Variants in GLRA3 observed in about 807,000 individuals in gnomAD.
GLRA3 encodes glycine receptor subunit alpha-3.
GLRA3 carries 44 observed loss-of-function variants against 60.4 expected under a neutral mutation model. The ratio of observed to expected loss-of-function variants is 0.73; its 90% confidence interval spans 0.57 to 0.94. The LOEUF (loss-of-function observed/expected upper bound fraction) is 0.94, where lower values mean the gene tolerates loss of function less well. Among genes scored for constraint, GLRA3 ranks in the 40% least tolerant of loss-of-function variants. The pLI, the probability that GLRA3 is intolerant of heterozygous loss-of-function variation, is 0.00. For synonymous variants in GLRA3, 223 were observed against 192.9 expected, an observed-to-expected ratio of 1.16 and a Z score of -1.29; for missense variants, 508 against 564.6, an observed-to-expected ratio of 0.90 and a Z score of 1.02.
chr4:174,689,777 A>AAG (rs1734716821), intron 5 of GLRA3, among the ~76,000 whole-genome samples: 1 of 144,786 alleles, frequency 6.9e-6, no homozygotes, highest in Non-Finnish European at 1.5e-5. Flanking sequence ...AAAAAAAAAA[A>AAG]AAAAAAAAGC....
At chr4:174,698,443 C>G (rs1429311703) in intron 5 of GLRA3, among the ~76,000 whole-genome samples, 2 of 152,126 alleles carry the variant, frequency 1.3e-5, no homozygotes, top group African/African-American at 4.8e-5. Flanking sequence ...CCCACTTCAG[C>G]CTCCCAAATT....
In GLRA3 at chr4:174,696,381, T is replaced by C. The variant is rs185182614; in HGVS notation, c.575-13442A>G. 6.6e-5 allele frequency among the ~76,000 whole-genome samples: 10 copies of C among 151,232 alleles called. No individual in the cohort carries two copies. The East Asian group carries it at 1.7e-3, about 26-fold the overall frequency. On this transcript the variant is annotated intron_variant, in intron 5 of 9. Transcript: ENST00000274093. ...AGAAAAACAAATTTTATTATATGTA[T>C]ATTTAAAACTTTACTATGAAAGATA... is the stretch of plus-strand genomic sequence containing the variant.
In GLRA3 at chr4:174,682,191, G is replaced by A. The variant is rs377522135; in HGVS notation, c.712+611C>T. Reference sequence around the variant, plus strand: ...CTAACTGTATGTATACATTCTAACTGTATAGTTAGAATACGTCTTATGGAA... The same window carrying A: ...CTAACTGTATGTATACATTCTAACTATATAGTTAGAATACGTCTTATGGAA... On this transcript the variant is annotated intron_variant, in intron 6 of 9. Coordinates refer to ENST00000274093, the MANE Select transcript of GLRA3 (RefSeq NM_006529.4). Among the ~76,000 whole-genome samples, 10 of 152,200 alleles carry A rather than the reference G, an allele frequency of 6.6e-5. No individual in the cohort carries two copies. In the East Asian group the frequency reaches 1.4e-3, roughly 21 times the overall value.
chr4:174,768,591 G>A (rs1000399512), intron 2 of GLRA3, among the ~76,000 whole-genome samples: 2 of 152,152 alleles, frequency 1.3e-5, no homozygotes, highest in African/African-American at 4.8e-5. Flanking sequence ...AGGAGGAGCA[G>A]AAATTGGTAA....
At chr4:174,781,797 A>G (rs1464160755) in intron 2 of GLRA3, among the ~76,000 whole-genome samples, 1 of 152,186 alleles carries the variant, frequency 6.6e-6, no homozygotes, top group Non-Finnish European at 1.5e-5. Flanking sequence ...GACCAATAAC[A>G]TGCTCTGCAA....
At chr4:174,680,956 T>A (rs2110968864) in intron 6 of GLRA3, among the ~76,000 whole-genome samples, 1 of 152,166 alleles carries the variant, frequency 6.6e-6, no homozygotes, top group East Asian at 1.9e-4. Flanking sequence ...AAGATTCTTG[T>A]GTAATGTAAA....
chr4:174,775,923 T>C (rs1225741870), intron 2 of GLRA3, among the ~76,000 whole-genome samples: 3 of 151,732 alleles, frequency 2.0e-5, no homozygotes, highest in Admixed American at 6.6e-5. Context: ...TGACATAAAA[T>C]ATAGAGCCAG....
At chr4:174,802,116 T>A (rs1204378839) in intron 1 of GLRA3, among the ~76,000 whole-genome samples, 1 of 151,990 alleles carries the variant, frequency 6.6e-6, no homozygotes, top group Non-Finnish European at 1.5e-5. Flanking sequence ...CCAGTAGTCA[T>A]GCTTTGAGTA....
At chr4:174,731,744 C>T (rs1045607715) in intron 3 of GLRA3, among the ~76,000 whole-genome samples, 6 of 151,944 alleles carry the variant, frequency 3.9e-5, no homozygotes, top group African/African-American at 1.2e-4. Flanking sequence ...AGGTATTTGC[C>T]ACATATACAA....
intron 5 of GLRA3, among the ~76,000 whole-genome samples, chr4:174,694,754 A>C (rs1041240314): frequency 6.6e-6 from 1 of 152,138 alleles, no homozygotes; most frequent in Admixed American, 6.5e-5. Context: ...ACAGAAGGAA[A>C]TCAAGCCACA....
At chr4:174,780,673 G>C (rs1738831376) in intron 2 of GLRA3, among the ~76,000 whole-genome samples, 1 of 151,246 alleles carries the variant, frequency 6.6e-6, no homozygotes, top group South Asian at 2.1e-4. Flanking sequence ...CCTAGTCTCT[G>C]ATAAAACAGA....
chr4:174,647,206 G>A (rs1732856185), intron 9 of GLRA3, among the ~76,000 whole-genome samples: 1 of 151,956 alleles, frequency 6.6e-6, no homozygotes, highest in African/African-American at 2.4e-5. Context: ...CAGGAGTTGG[G>A]GACCAGCCTG....
At chr4:174,737,687 T>G (rs2111161337) in intron 3 of GLRA3, among the ~76,000 whole-genome samples, 1 of 152,236 alleles carries the variant, frequency 6.6e-6, no homozygotes, top group Non-Finnish European at 1.5e-5. Context: ...AAATTTTGTA[T>G]TTTTAGTAGA....
At chr4:174,674,841 C>T (rs1208939963) in intron 7 of GLRA3, among the ~76,000 whole-genome samples, 1 of 152,122 alleles carries the variant, frequency 6.6e-6, no homozygotes, top group Non-Finnish European at 1.5e-5. Context: ...TGCACGGTCT[C>T]ACACATCTGT....
chr4:174,696,403 G>A (rs1199883421), intron 5 of GLRA3, among the ~76,000 whole-genome samples: 1 of 150,200 alleles, frequency 6.7e-6, no homozygotes, highest in African/African-American at 2.4e-5. Flanking sequence ...TACTATGAAA[G>A]ATATTGTAAA....
rs1239705237 is a variant in GLRA3, at chr4:174,780,277, AC to A, written c.199+8538del. ...CAAGCAAATGCTGAGAGATTTTGTC[AC>A]CACCAGGCCTGCCCTAAAAGAGCTC... On this transcript the variant is annotated intron_variant, in intron 2 of 9. Coordinates refer to ENST00000274093, the MANE Select transcript of GLRA3 (RefSeq NM_006529.4). Among the ~76,000 whole-genome samples the A allele has an allele frequency of 2.0e-5, 3 of 147,876 alleles. No homozygotes were observed. In the East Asian group the frequency reaches 6.0e-4, roughly 30 times the overall value.
chr4:174,788,660 G>A (rs1279852613), intron 2 of GLRA3, among the ~76,000 whole-genome samples, 156 bp downstream of exon 2: 2 of 150,736 alleles, frequency 1.3e-5, no homozygotes, highest in African/African-American at 2.4e-5. Context: ...GAGAACATGG[G>A]AATGGATTTC....
rs537462457 is a variant in GLRA3, at chr4:174,704,445, C to T, written c.574+11043G>A. 1.4e-3 allele frequency among the ~76,000 whole-genome samples: 199 copies of T among 143,834 alleles called. 19 individuals are homozygous for T. Among genetic ancestry groups the T allele is most frequent in the Admixed American group, 2.6e-3 (36 of 14,008 alleles). 94.4% of individuals were successfully genotyped at this position (143,834 alleles called of 152,430 possible). A position where few individuals can be genotyped will look rare whatever the true frequency, so the allele number is the denominator to read the frequency against. On this transcript the variant is annotated intron_variant, in intron 5 of 9. Transcript: ENST00000274093. ...GATGGCTACTATCTGAATCACACATCCTAACAAGTGTTGGCAAGGGTGTAA... is the reference window on the plus strand; with the variant it reads ...GATGGCTACTATCTGAATCACACATTCTAACAAGTGTTGGCAAGGGTGTAA...
chr4:174,717,335 CAAAG>C (rs1024261646), intron 4 of GLRA3, among the ~76,000 whole-genome samples: 17 of 127,472 alleles, frequency 1.3e-4, no homozygotes, highest in Non-Finnish European at 2.2e-4. Flanking sequence ...AACAAAGAAA[CAAAG>C]AAAGGAGGGA....
Sources: allele counts gnomAD v4.1 joint callset (sites outside exome capture counted in the v4.1 genomes callset), GRCh38; gene constraint gnomAD v4.1.1; transcripts MANE v1.5; gene names NCBI Gene and HGNC (gene_info 2026-07-23, HGNC 2026-07-21).